Variants in PCDHA3 observed in about 807,000 individuals in gnomAD.
PCDHA3 encodes protocadherin alpha 3.
In PCDHA3, 41 loss-of-function variants were observed where a neutral mutation model predicts 62.2. That is an observed-to-expected ratio of 0.66 (90% confidence interval 0.51 to 0.86). PCDHA3 has a LOEUF of 0.86. PCDHA3 is among the 40% of genes least tolerant of loss of function. The pLI is 0.00. For synonymous variants in PCDHA3, 640 were observed against 555.4 expected (o/e 1.15, Z -2.14); for missense variants, 1,304 against 1,241.2 (o/e 1.05, Z -0.76).
intron 1 of PCDHA3, among the ~76,000 whole-genome samples, chr5:140,896,855 A>G (rs2065775013): frequency 6.6e-6 from 1 of 152,196 alleles, no homozygotes; most frequent in South Asian, 2.1e-4. Flanking sequence ...TTATGGGTAC[A>G]TAATAAGTGT....
rs2150124937 is a variant in PCDHA3, at chr5:140,823,353, A to G, written c.2394+19762A>G. The G allele has an allele frequency of 2.0e-5, 32 of 1,612,244 alleles. No individual in the cohort carries two copies. The African/African-American group carries it at 2.8e-4, about 14-fold the overall frequency. On this transcript the variant is annotated intron_variant, in intron 1 of 3. Coordinates refer to ENST00000522353, the MANE Select transcript of PCDHA3 (RefSeq NM_018906.3). ...CGCTGCAGCCGCTGGACCACGAGGAAGTGGAGCTGCTGCAGTTCCAGGTGA... is the reference window on the plus strand; with the variant it reads ...CGCTGCAGCCGCTGGACCACGAGGAGGTGGAGCTGCTGCAGTTCCAGGTGA...
intron 1 of PCDHA3, chr5:140,870,532 T>A: frequency 1.2e-6 from 2 of 1,614,184 alleles, no homozygotes; most frequent in Non-Finnish European, 1.7e-6. Flanking sequence ...CTTCACAGTG[T>A]CGGCGCGGGA....
intron 1 of PCDHA3, chr5:140,829,536 C>G: frequency 6.2e-7 from 1 of 1,613,152 alleles, no homozygotes; most frequent in Non-Finnish European, 8.5e-7. Context: ...GCGCGAGACG[C>G]GGACGCGCAG....
rs1581152641 is a variant in PCDHA3, at chr5:140,848,515, G to A, written c.2394+44924G>A. ...TTTGAAATGTTATACTCAAGTCGAG[G>A]AGATCCAGAGGGTCAGCCTCTACTG... On this transcript the variant is annotated intron_variant, in intron 1 of 3. Coordinates refer to ENST00000522353, the MANE Select transcript of PCDHA3 (RefSeq NM_018906.3). The A allele has an allele frequency of 1.9e-6, 3 of 1,590,864 alleles. No individual in the cohort carries two copies. In the African/African-American group the frequency reaches 4.0e-5, roughly 21 times the overall value.
chr5:140,822,820 A>T (rs2150119640), intron 1 of PCDHA3: 47 of 1,614,166 alleles, frequency 2.9e-5, no homozygotes, highest in Non-Finnish European at 3.9e-5. Context: ...TACCCCAGAG[A>T]TGGCCATAAC....
intron 1 of PCDHA3, among the ~76,000 whole-genome samples, chr5:140,955,110 T>C (rs915501300): frequency 7.2e-5 from 11 of 152,274 alleles, no homozygotes; most frequent in African/African-American, 2.6e-4. Flanking sequence ...TTCTGAGTTC[T>C]CTATTCTGTT....
chr5:140,833,695 T>G (rs2150210401), intron 1 of PCDHA3, among the ~76,000 whole-genome samples: 1 of 152,154 alleles, frequency 6.6e-6, no homozygotes, highest in Non-Finnish European at 1.5e-5. Context: ...TCTTATTTTG[T>G]TTTCCCAAGA....
chr5:140,928,172 C>T (rs782267454), intron 1 of PCDHA3: 1 of 1,614,200 alleles, frequency 6.2e-7, no homozygotes, highest in South Asian at 1.1e-5. Flanking sequence ...CCACTTAGCA[C>T]CCGAAGGACA....
At chr5:140,965,312 C>G (rs543157988) in intron 1 of PCDHA3, among the ~76,000 whole-genome samples, 1 of 152,258 alleles carries the variant, frequency 6.6e-6, no homozygotes, top group East Asian at 1.9e-4. Context: ...TCTACCTTCT[C>G]TTTTACTGAA....
intron 1 of PCDHA3, among the ~76,000 whole-genome samples, chr5:140,953,945 C>T (rs189219030): frequency 8.5e-5 from 13 of 152,154 alleles, no homozygotes; most frequent in African/African-American, 3.1e-4. Flanking sequence ...TCCCATTGCT[C>T]CCCCAACAGG....
rs1392326756 is a variant in PCDHA3 at position 140,801,486 on chromosome 5, G to C, written c.289G>C (p.Gly97Arg). ...NSRIDREELC[G>R]RSAECSIHLE... ...TCGGATAGACCGCGAGGAACTGTGC[G>C]GGCGGAGCGCGGAGTGCAGCATCCA... is the stretch of plus-strand genomic sequence containing the variant. Residue 97 changes from glycine (G) to arginine (R), a missense_variant, in exon 1 of 4, where the codon GGG becomes CGG. Transcript: ENST00000522353. 1.2e-6 allele frequency: 2 copies of C among 1,614,004 alleles called. No homozygotes were observed. The highest frequency in any genetic ancestry group is 1.7e-6 in the Non-Finnish European group (2 of 1,180,060).
chr5:140,915,864 T>A (rs1170888594), intron 1 of PCDHA3, among the ~76,000 whole-genome samples: 1 of 152,166 alleles, frequency 6.6e-6, no homozygotes. Flanking sequence ...CAAGTTTGCA[T>A]CCTTCCCTTT....
chr5:140,944,334 C>T (rs547924304), intron 1 of PCDHA3, among the ~76,000 whole-genome samples: 131 of 152,138 alleles, frequency 8.6e-4, no homozygotes, highest in African/African-American at 3.0e-3. Flanking sequence ...ATTACAAGCA[C>T]GTGCCACCAC....
chr5:140,805,240 C>T, intron 1 of PCDHA3: 2 of 1,345,592 alleles, frequency 1.5e-6, no homozygotes, highest in Non-Finnish European at 1.9e-6. Context: ...CATTCCCCAT[C>T]TGTACATTAA....
At chr5:140,863,216 C>T (rs781920741) in intron 1 of PCDHA3, 10 of 1,084,230 alleles carry the variant, frequency 9.2e-6, no homozygotes, top group African/African-American at 3.2e-5. Flanking sequence ...AGCAGCCAAG[C>T]GAGGAAGGTC....
intron 1 of PCDHA3, chr5:140,814,223 T>TG (rs2126653089): frequency 7.2e-5 from 11 of 152,626 alleles, no homozygotes; most frequent in African/African-American, 2.2e-4. Flanking sequence ...AGTGTTTTTT[T>TG]TTGTTGTTGT....
At chr5:140,852,896 T>G (rs1554146161) in intron 1 of PCDHA3, 1 of 852,356 alleles carries the variant, frequency 1.2e-6, no homozygotes, top group African/African-American at 1.8e-5. Flanking sequence ...TTTTTTTTTT[T>G]GAGTCAGAGT....
chr5:140,820,753 T>C (rs1554127911), intron 1 of PCDHA3, among the ~76,000 whole-genome samples: 1 of 152,114 alleles, frequency 6.6e-6, no homozygotes, highest in Admixed American at 6.5e-5. Flanking sequence ...GTATGTCATA[T>C]AGACAATATT....
At chr5:140,841,405 C>G (rs2150314710) in intron 1 of PCDHA3, 2 of 1,612,994 alleles carry the variant, frequency 1.2e-6, no homozygotes, top group African/African-American at 1.3e-5. Context: ...AGGTGGGGAG[C>G]GGCCAGCTCC....
Sources: allele counts gnomAD v4.1 joint callset (sites outside exome capture counted in the v4.1 genomes callset), GRCh38; gene constraint gnomAD v4.1.1; transcripts MANE v1.5; gene names NCBI Gene and HGNC (gene_info 2026-07-23, HGNC 2026-07-21).